Variants in TENM2 observed in about 807,000 individuals in gnomAD.
TENM2 encodes teneurin-2.
A neutral mutation model predicts 245.2 loss-of-function variants in TENM2; 52 were observed. The observed-to-expected ratio is 0.21, with a 90% CI of 0.17 to 0.27. The LOEUF (loss-of-function observed/expected upper bound fraction) is 0.27, where lower values mean the gene tolerates loss of function less well. Ranked by LOEUF, TENM2 falls within the 10% of genes least tolerant of loss-of-function variation. TENM2 has a pLI of 1.00. For missense variants in TENM2, 3,046 were observed against 3,666.8 expected (o/e 0.83, Z 4.37); for synonymous variants, 1,363 against 1,438.9 (o/e 0.95, Z 1.19).
intron 5 of TENM2, among the ~76,000 whole-genome samples, chr5:167,995,613 C>T (rs542832021): frequency 1.8e-4 from 28 of 152,302 alleles, no homozygotes; most frequent in African/African-American, 6.7e-4. Context: ...CTGATCTTGG[C>T]CCCAGTTATT....
At chr5:168,149,694 G>C (rs1756467719) in intron 12 of TENM2, among the ~76,000 whole-genome samples, 1 of 152,150 alleles carries the variant, frequency 6.6e-6, no homozygotes, top group Non-Finnish European at 1.5e-5. Context: ...CACAAAGGGA[G>C]CCTTTAAAAA....
At chr5:168,027,533 C>T (rs993375681) in intron 5 of TENM2, among the ~76,000 whole-genome samples, 3 of 152,116 alleles carry the variant, frequency 2.0e-5, no homozygotes, top group African/African-American at 7.2e-5. Context: ...ATTTGAGCTC[C>T]GTGTTTTTGC....
the TENM2 span, among the ~76,000 whole-genome samples, chr5:167,143,792 G>A: frequency 1.7e-3 from 260 of 152,246 alleles, no homozygotes; most frequent in African/African-American, 5.9e-3. Flanking sequence ...TGACCACTGC[G>A]CTTTTAAAAG....
chr5:167,737,837 G>C (rs935648939), intron 2 of TENM2, among the ~76,000 whole-genome samples: 2 of 152,154 alleles, frequency 1.3e-5, no homozygotes, highest in Non-Finnish European at 2.9e-5. Context: ...AAAAATATCA[G>C]GCAAAATGAG....
the TENM2 span, among the ~76,000 whole-genome samples, chr5:167,008,471 G>C: frequency 6.6e-6 from 1 of 152,254 alleles, no homozygotes; most frequent in South Asian, 2.1e-4. Flanking sequence ...TTCTTAATCT[G>C]ATGAGTCAAA....
At chr5:167,408,064 C>G (rs767267237) in intron 2 of TENM2, among the ~76,000 whole-genome samples, 42 of 152,226 alleles carry the variant, frequency 2.8e-4, no homozygotes, top group African/African-American at 9.9e-4. Context: ...ATTGCATTTC[C>G]TTATTCCACT....
At chr5:167,281,613 G>A (rs1478662873), upstream of TENM2, among the ~76,000 whole-genome samples, 1 of 152,162 alleles carries the variant, frequency 6.6e-6, no homozygotes, top group Non-Finnish European at 1.5e-5. Context: ...GCAGAGCCAA[G>A]AAAGAGAAAT....
the TENM2 span, among the ~76,000 whole-genome samples, chr5:167,243,112 T>C: frequency 6.6e-6 from 1 of 151,942 alleles, no homozygotes; most frequent in Non-Finnish European, 1.5e-5. Context: ...AAAATTCGCA[T>C]CTTACAGCTT....
the TENM2 span, among the ~76,000 whole-genome samples, chr5:167,018,079 T>G: frequency 3.3e-5 from 5 of 152,148 alleles, no homozygotes; most frequent in Non-Finnish European, 5.9e-5. Context: ...TCATAATGTA[T>G]TCTTTCCTTA....
At chr5:167,520,120 C>G (rs185218889) in intron 2 of TENM2, among the ~76,000 whole-genome samples, 1 of 152,048 alleles carries the variant, frequency 6.6e-6, no homozygotes, top group African/African-American at 2.4e-5. Flanking sequence ...ATTTAATCAC[C>G]CAATGCCTTA....
chr5:167,198,016 G>A, the TENM2 span, among the ~76,000 whole-genome samples: 1 of 151,904 alleles, frequency 6.6e-6, no homozygotes, highest in East Asian at 1.9e-4. Context: ...CCTGAGAAGG[G>A]CATTATTTGT....
intron 5 of TENM2, among the ~76,000 whole-genome samples, chr5:168,021,189 T>C (rs150601052): frequency 3.3e-5 from 5 of 152,356 alleles, no homozygotes; most frequent in African/African-American, 9.6e-5. Context: ...CTAATGATTT[T>C]CTATGTCTGG....
At chr5:167,102,060 T>C in the TENM2 span, among the ~76,000 whole-genome samples, 26 of 149,358 alleles carry the variant, frequency 1.7e-4, no homozygotes, top group African/African-American at 5.2e-4. Context: ...ACCCCCTCTC[T>C]ACTAAAAATA....
intron 9 of TENM2, among the ~76,000 whole-genome samples, chr5:168,107,942 G>A (rs539631502): frequency 1.6e-4 from 25 of 152,340 alleles, no homozygotes; most frequent in Non-Finnish European, 3.1e-4. Context: ...TCCTATCCAG[G>A]TGGTTCTCCT....
At chr5:168,072,412 G>A (rs918843012) in intron 7 of TENM2, among the ~76,000 whole-genome samples, 1 of 152,150 alleles carries the variant, frequency 6.6e-6, no homozygotes, top group Non-Finnish European at 1.5e-5. Context: ...AGCATGATGA[G>A]GGCATGACCT....
At chr5:167,284,911 C>T (rs1771248446) in exon 1 of TENM2, 1 of 1,551,604 alleles carries the variant, frequency 6.4e-7, no homozygotes, top group Non-Finnish European at 8.7e-7. Flanking sequence ...TACACAAGCT[C>T]CTCTCTGGAC....
chr5:167,333,387 G>T (rs1156240806), intron 1 of TENM2, among the ~76,000 whole-genome samples: 1 of 152,166 alleles, frequency 6.6e-6, no homozygotes, highest in Non-Finnish European at 1.5e-5. Flanking sequence ...TTAATGAGAT[G>T]ATGTTCAGAT....
At chr5:167,037,683 A>G in the TENM2 span, among the ~76,000 whole-genome samples, 1 of 152,072 alleles carries the variant, frequency 6.6e-6, no homozygotes, top group Non-Finnish European at 1.5e-5. Context: ...CAAGATGACC[A>G]CTTACCTCCT....
At chr5:167,068,623 A>G in the TENM2 span, among the ~76,000 whole-genome samples, 101 of 152,332 alleles carry the variant, frequency 6.6e-4, 1 homozygote, top group African/African-American at 2.3e-3. Context: ...CTCACATTTC[A>G]AATACTCATC....
Sources: allele counts gnomAD v4.1 joint callset (sites outside exome capture counted in the v4.1 genomes callset), GRCh38; gene constraint gnomAD v4.1.1; transcripts MANE v1.5; gene names NCBI Gene and HGNC (gene_info 2026-07-23, HGNC 2026-07-21).